SGPP2: variants seen among roughly 807,000 people sequenced by gnomAD.
The protein encoded by SGPP2 is sphingosine 1-phosphate phosphohydrolase 2.
In SGPP2, 30 loss-of-function variants were observed where a neutral mutation model predicts 33.9. The observed-to-expected ratio is 0.89, with a 90% CI of 0.66 to 1.20. The LOEUF (loss-of-function observed/expected upper bound fraction) is 1.20, where lower values mean the gene tolerates loss of function less well. Ranked by LOEUF, SGPP2 falls within the 50% of genes most tolerant of loss-of-function variation. The pLI is 0.00. For missense variants in SGPP2, 458 were observed against 532.1 expected, an observed-to-expected ratio of 0.86 and a Z score of 1.37; for synonymous variants, 233 against 225.0, an observed-to-expected ratio of 1.04 and a Z score of -0.32.
At chr2:222,511,298 C>A (rs1415035733) in intron 2 of SGPP2, among the ~76,000 whole-genome samples, 1 of 152,146 alleles carries the variant, frequency 6.6e-6, no homozygotes, top group Non-Finnish European at 1.5e-5. Context: ...ATCCAGAGAA[C>A]CAGATTTTCT....
intron 4 of SGPP2, among the ~76,000 whole-genome samples, chr2:222,526,084 G>A (rs564894215): frequency 6.6e-6 from 1 of 152,274 alleles, no homozygotes; most frequent in South Asian, 2.1e-4. Flanking sequence ...ATTGACTCGA[G>A]GCCAGGCCTC....
chr2:222,427,472 C>G (rs1697088709), intron 1 of SGPP2, among the ~76,000 whole-genome samples: 1 of 152,028 alleles, frequency 6.6e-6, no homozygotes, highest in African/African-American at 2.4e-5. Flanking sequence ...GAGACAGGGT[C>G]TCACTATGTT....
Position 222,521,841 on chromosome 2 carries a change from A to T in SGPP2, c.453A>T (p.Lys151Asn). ...GTCCCTCCTCCCCTCCAGTTGTAAA[A>T]CTGGAAAAGAGACTGATCGCTGAAT... ...WPRPSSPPVV[K>N]LEKRLIAEYG... The change falls in exon 3 of 5, where the codon AAA becomes AAT. Residue 151 changes from lysine to asparagine, a missense_variant. Lys to Asn is a moderately conservative substitution (Grantham distance 94, BLOSUM62 0). Coordinates refer to ENST00000321276, the MANE Select transcript of SGPP2 (RefSeq NM_152386.4). 1 of 1,610,794 alleles carries T rather than the reference A, an allele frequency of 6.2e-7. No individual in the cohort carries two copies. The highest frequency in any genetic ancestry group is 1.1e-5 in the South Asian group (1 of 90,214).
chr2:222,459,122 T>TTTTCTTTC (rs1276411843), intron 1 of SGPP2, among the ~76,000 whole-genome samples: 13 of 138,936 alleles, frequency 9.4e-5, no homozygotes, highest in East Asian at 4.1e-4. Flanking sequence ...ACACACTTTT[T>TTTTCTTTC]TTTCTTTCTT....
chr2:222,510,239 C>T (rs376828886), intron 2 of SGPP2, among the ~76,000 whole-genome samples: 1 of 152,138 alleles, frequency 6.6e-6, no homozygotes, highest in African/African-American at 2.4e-5. Flanking sequence ...AGGGATACAC[C>T]TAGGAGTGGA....
At chr2:222,487,833 C>G (rs1440062786) in intron 2 of SGPP2, among the ~76,000 whole-genome samples, 1 of 152,154 alleles carries the variant, frequency 6.6e-6, no homozygotes, top group Non-Finnish European at 1.5e-5. Context: ...GTTTATATAG[C>G]ATGTCACTTA....
intron 1 of SGPP2, among the ~76,000 whole-genome samples, chr2:222,435,336 A>C (rs1697223719): frequency 6.6e-6 from 1 of 152,078 alleles, no homozygotes; most frequent in South Asian, 2.1e-4. Context: ...GATTGTGCCC[A>C]CTCAGATTAA....
chr2:222,528,668 G>C (rs971905413), intron 4 of SGPP2, among the ~76,000 whole-genome samples: 1 of 152,174 alleles, frequency 6.6e-6, no homozygotes, highest in African/African-American at 2.4e-5. Context: ...CTGGGCTGGA[G>C]TGCAGTGGTG....
At chr2:222,467,967 A>AC (rs1697774417) in intron 1 of SGPP2, among the ~76,000 whole-genome samples, 2 of 126,656 alleles carry the variant, frequency 1.6e-5, no homozygotes, top group Non-Finnish European at 3.1e-5. Context: ...AAAAAAAAAA[A>AC]AAAAAAAAAA....
At chr2:222,541,417 G>T (rs1398203274) in intron 4 of SGPP2, among the ~76,000 whole-genome samples, 3 of 152,124 alleles carry the variant, frequency 2.0e-5, no homozygotes, top group Non-Finnish European at 2.9e-5. Flanking sequence ...GGAAGGAGAA[G>T]AAAGTTCTAC....
chr2:222,516,643 A>G (rs1409165662), intron 2 of SGPP2, among the ~76,000 whole-genome samples: 1 of 152,182 alleles, frequency 6.6e-6, no homozygotes, highest in African/African-American at 2.4e-5. Context: ...GAAACTACCA[A>G]ACTATTTTCC....
chr2:222,525,184 C>T lies in SGPP2; in HGVS notation c.648+151C>T, dbSNP rs1194265559. The T allele has an allele frequency of 2.3e-5, 14 of 606,758 alleles. No individual in the cohort carries two copies. In the East Asian group the frequency reaches 2.3e-4, roughly 10 times the overall value. 37.6% of individuals were successfully genotyped at this position (606,758 alleles called of 1,614,324 possible). On this transcript the variant is annotated intron_variant, in intron 4 of 4. Coordinates refer to ENST00000321276, the MANE Select transcript of SGPP2 (RefSeq NM_152386.4). ...CAATGCATTAAGTAATTATTATGTT[C>T]GGGTGCATGTATGATAATAGTAATG...
At chr2:222,470,289 A>G (rs940202189) in intron 1 of SGPP2, among the ~76,000 whole-genome samples, 1 of 148,428 alleles carries the variant, frequency 6.7e-6, no homozygotes, top group East Asian at 1.9e-4. Context: ...AAATTAAAAA[A>G]TAAAATAAAA....
chr2:222,489,533 C>T (rs187800991), intron 2 of SGPP2, among the ~76,000 whole-genome samples: 5 of 151,422 alleles, frequency 3.3e-5, no homozygotes, highest in African/African-American at 1.2e-4. Flanking sequence ...TAAATTTATA[C>T]CATAGAAAGC....
chr2:222,488,040 A>G lies in SGPP2; in HGVS notation c.378+13314A>G, dbSNP rs1279563713. 3.3e-5 allele frequency among the ~76,000 whole-genome samples: 5 copies of G among 152,330 alleles called. No individual in the cohort carries two copies. In the South Asian group the frequency reaches 6.2e-4, roughly 19 times the overall value. On this transcript the variant is annotated intron_variant, in intron 2 of 4. Coordinates refer to ENST00000321276, the MANE Select transcript of SGPP2 (RefSeq NM_152386.4). ...TAGCTCAGAACACACATTCAGGTGCATCAGCCTTACAGGGTCATTCTAAAT... is the reference window on the plus strand; with the variant it reads ...TAGCTCAGAACACACATTCAGGTGCGTCAGCCTTACAGGGTCATTCTAAAT...
rs186507577 is a variant in SGPP2 at position 222,496,367 on chromosome 2, C to A, written c.378+21641C>A. 4.1e-3 allele frequency among the ~76,000 whole-genome samples: 630 copies of A among 152,294 alleles called. 1 individual carries two copies. The highest frequency in any genetic ancestry group is 0.014 in the African/African-American group (596 of 41,560). On this transcript the variant is annotated intron_variant, in intron 2 of 4. Transcript: ENST00000321276. Reference sequence around the variant, plus strand: ...ATTTATTCATTTAATAAAGACTTACCTTGTATGGACCCTGGAAATTTTGTA... The same window carrying A: ...ATTTATTCATTTAATAAAGACTTACATTGTATGGACCCTGGAAATTTTGTA...
At chr2:222,512,654 C>T (rs1559165999) in intron 2 of SGPP2, among the ~76,000 whole-genome samples, 1 of 152,200 alleles carries the variant, frequency 6.6e-6, no homozygotes, top group Non-Finnish European at 1.5e-5. Context: ...TCCTCAGTCC[C>T]TGGAAGCCAC....
At chr2:222,432,473 T>C (rs1697170997) in intron 1 of SGPP2, among the ~76,000 whole-genome samples, 1 of 152,242 alleles carries the variant, frequency 6.6e-6, no homozygotes, top group South Asian at 2.1e-4. Flanking sequence ...GGCAGCCTTC[T>C]ATAGGCTGGT....
intron 2 of SGPP2, among the ~76,000 whole-genome samples, chr2:222,496,224 G>A (rs1165012426): frequency 6.6e-6 from 1 of 152,182 alleles, no homozygotes. Flanking sequence ...GTTAACACAC[G>A]ACAACATGAA....
Sources: gnomAD v4.1 joint callset for allele counts (sites outside exome capture counted in the v4.1 genomes callset) on GRCh38, gnomAD v4.1.1 for gene constraint, MANE v1.5 for transcripts, NCBI Gene and HGNC (gene_info 2026-07-23, HGNC 2026-07-21) for gene names.